The following MEGF10 variants were observed in gnomAD, a reference collection of about 807,000 sequenced individuals.
The protein encoded by MEGF10 is multiple EGF like domains 10, also known as multiple epidermal growth factor-like domains protein 10.
In MEGF10, 86 loss-of-function variants were observed where a neutral mutation model predicts 147.5. The observed-to-expected ratio is 0.58, with a 90% confidence interval of 0.49 to 0.70. MEGF10 has a LOEUF of 0.70. Ranked by LOEUF, MEGF10 falls within the 30% of genes least tolerant of loss-of-function variation. The probability of loss-of-function intolerance (pLI) is 0.00; values close to 1 mark genes in which losing one functional copy is unlikely to be tolerated. For missense variants in MEGF10, 1,329 were observed against 1,487.3 expected (o/e 0.89, Z 1.75); for synonymous variants, 478 against 525.5 (o/e 0.91, Z 1.24).
chr5:127,309,361 G>C (rs1580693210), intron 1 of MEGF10, among the ~76,000 whole-genome samples: 3 of 152,106 alleles, frequency 2.0e-5, no homozygotes, highest in African/African-American at 7.2e-5. Context: ...TCACACTGTT[G>C]TGAAACCATC....
chr5:127,419,904 G>A (rs971160646), intron 11 of MEGF10, 140 bp from the exon 12 acceptor site: 4 of 981,568 alleles, frequency 4.1e-6, no homozygotes, highest in East Asian at 2.6e-5. Context: ...GCCTAACTTG[G>A]CAGAACCAGT....
In MEGF10 at chr5:127,434,805, C is replaced by A; in HGVS notation, c.1959C>A (p.Gly653=). The A allele has an allele frequency of 6.2e-7, 1 of 1,613,150 alleles. No individual in the cohort carries two copies. Among genetic ancestry groups the A allele is most frequent in the Non-Finnish European group, 8.5e-7 (1 of 1,179,954 alleles). ...GTGACTGCTTGCCTGGCTTCACAGGCGCCCTCTGCAATGAAGGTAAGGCAC... is the reference window on the plus strand; with the variant it reads ...GTGACTGCTTGCCTGGCTTCACAGGAGCCCTCTGCAATGAAGGTAAGGCAC... The part of the protein sequence containing the change: ...GLCDCLPGFT[G]ALCNEVCPSG... The change falls in exon 15 of 25, where the codon GGC becomes GGA. Residue 653 remains glycine, a synonymous_variant. Coordinates refer to ENST00000503335, the MANE Select transcript of MEGF10 (RefSeq NM_001256545.2).
intron 5 of MEGF10, among the ~76,000 whole-genome samples, chr5:127,373,392 TC>T (rs754102646): frequency 1.3e-5 from 2 of 152,216 alleles, no homozygotes; most frequent in African/African-American, 2.4e-5. Flanking sequence ...CCTCAGTTGA[TC>T]CACCCACCTC....
At chr5:127,355,130 C>T (rs558588552) in intron 4 of MEGF10, among the ~76,000 whole-genome samples, 2 of 152,210 alleles carry the variant, frequency 1.3e-5, no homozygotes, top group East Asian at 3.9e-4. Context: ...AAGAGTTAGC[C>T]TTCGGCAGAG....
chr5:127,238,022 C>G, the MEGF10 span, among the ~76,000 whole-genome samples: 1 of 140,024 alleles, frequency 7.1e-6, no homozygotes, highest in Non-Finnish European at 1.5e-5. Flanking sequence ...AGGGTATAAA[C>G]TTCAGACTAT....
chr5:127,293,019 A>G (rs950063142), intron 1 of MEGF10, among the ~76,000 whole-genome samples: 2 of 152,220 alleles, frequency 1.3e-5, no homozygotes, highest in African/African-American at 4.8e-5. Context: ...AGCACGTATC[A>G]TTGAGAAATT....
At chr5:127,247,452 GAAGAAGAAGAA>G in the MEGF10 span, among the ~76,000 whole-genome samples, 3 of 128,106 alleles carry the variant, frequency 2.3e-5, no homozygotes, top group African/African-American at 6.0e-5. Context: ...AGAAGAAGAA[GAAGAAGAAGAA>G]GAAGAAGAAG....
At chr5:127,327,480 T>C (rs552790308) in intron 1 of MEGF10, among the ~76,000 whole-genome samples, 1 of 152,226 alleles carries the variant, frequency 6.6e-6, no homozygotes, top group South Asian at 2.1e-4. Flanking sequence ...TTTAAAAAAT[T>C]GCATTTTGTT....
intron 1 of MEGF10, among the ~76,000 whole-genome samples, chr5:127,291,665 G>GT (rs1734098793): frequency 6.6e-6 from 1 of 152,110 alleles, no homozygotes; most frequent in South Asian, 2.1e-4. Context: ...GGGAGGGACG[G>GT]TTTTTCAAGT....
intron 8 of MEGF10, among the ~76,000 whole-genome samples, chr5:127,405,476 T>C (rs1473695303): frequency 6.6e-6 from 1 of 152,170 alleles, no homozygotes; most frequent in Non-Finnish European, 1.5e-5. Context: ...TTATTCATAC[T>C]ACCAAACTTT....
chr5:127,247,312 A>AAGAG, the MEGF10 span, among the ~76,000 whole-genome samples: 89 of 70,502 alleles, frequency 1.3e-3, 5 homozygotes, highest in Middle Eastern at 0.017. Flanking sequence ...GAGCGAGAGA[A>AAGAG]AGAGAGAGAA....
chr5:127,229,553 G>C, the MEGF10 span: 1 of 152,130 alleles, frequency 6.6e-6, no homozygotes, highest in Non-Finnish European at 1.5e-5. Flanking sequence ...AGGCTGCCAG[G>C]AGCTCACGCG....
chr5:127,260,492 A>G, the MEGF10 span, among the ~76,000 whole-genome samples: 1 of 152,224 alleles, frequency 6.6e-6, no homozygotes, highest in Non-Finnish European at 1.5e-5. Context: ...ACTAGGTCGC[A>G]TGCTCATTTC....
intron 1 of MEGF10, among the ~76,000 whole-genome samples, chr5:127,306,018 G>T (rs1018941031): frequency 6.6e-6 from 1 of 152,172 alleles, no homozygotes. Flanking sequence ...ACTTTTTCTA[G>T]AGTTCAGGTG....
At chr5:127,445,399 G>T in intron 19 of MEGF10, 58 bp from the exon 20 acceptor site, 1 of 1,348,008 alleles carries the variant, frequency 7.4e-7, no homozygotes, top group Admixed American at 1.7e-5. Flanking sequence ...TGTAAGTAGA[G>T]ATCAAACGTT....
the MEGF10 span, among the ~76,000 whole-genome samples, chr5:127,250,111 T>C: frequency 1.3e-5 from 2 of 152,026 alleles, no homozygotes; most frequent in African/African-American, 4.8e-5. Flanking sequence ...ATAGCAAATA[T>C]ATACCATACA....
intron 21 of MEGF10, 28 bp from the exon 22 acceptor site, chr5:127,449,071 A>T (rs753415666): frequency 6.4e-5 from 104 of 1,613,220 alleles, no homozygotes; most frequent in Non-Finnish European, 7.6e-6. Flanking sequence ...TTTTGTTTTT[A>T]ATCTTTCGTT....
intron 1 of MEGF10, among the ~76,000 whole-genome samples, chr5:127,291,786 T>C (rs1254874362): frequency 6.6e-6 from 1 of 152,240 alleles, no homozygotes; most frequent in Non-Finnish European, 1.5e-5. Context: ...ATTTTCTTTC[T>C]GGAAGTATTT....
At chr5:127,299,648 A>G (rs1759682957) in intron 1 of MEGF10, among the ~76,000 whole-genome samples, 1 of 152,154 alleles carries the variant, frequency 6.6e-6, no homozygotes, top group Non-Finnish European at 1.5e-5. Context: ...AAAGTATGTC[A>G]TTCATTCAGC....
Sources: allele counts gnomAD v4.1 joint callset (sites outside exome capture counted in the v4.1 genomes callset), GRCh38; gene constraint gnomAD v4.1.1; transcripts MANE v1.5; gene names NCBI Gene and HGNC (gene_info 2026-07-23, HGNC 2026-07-21).